Variants in ITIH3 observed in about 807,000 individuals in gnomAD.
ITIH3 encodes the protein inter-alpha-trypsin inhibitor heavy chain H3.
Under a neutral mutation model 96.5 loss-of-function variants are expected in ITIH3, and 81 were observed. That is an observed-to-expected ratio of 0.84 (90% CI 0.70 to 1.01). The LOEUF is 1.01. Among genes scored for constraint, ITIH3 ranks in the 50% least tolerant of loss-of-function variants. ITIH3 has a pLI of 0.00. For missense variants in ITIH3, 1,057 were observed against 1,139.3 expected (o/e 0.93, Z 1.04); for synonymous variants, 422 against 445.2 (o/e 0.95, Z 0.66).
chr3:52,802,905 G>T, intron 13 of ITIH3, 99 bp downstream of exon 13: 1 of 1,391,028 alleles, frequency 7.2e-7, no homozygotes, highest in East Asian at 2.5e-5. Context: ...CCTCTTCTTG[G>T]GCCAGCCCAG....
chr3:52,795,371 C>G (rs930102539), intron 1 of ITIH3, among the ~76,000 whole-genome samples: 4 of 152,178 alleles, frequency 2.6e-5, no homozygotes, highest in Non-Finnish European at 4.4e-5. Context: ...GCCCTGCTCT[C>G]CTGGTAACCT....
chr3:52,801,857 G>A (rs1391248488), intron 11 of ITIH3, among the ~76,000 whole-genome samples: 3 of 152,186 alleles, frequency 2.0e-5, no homozygotes, highest in African/African-American at 7.2e-5. Context: ...TGCACGTCCT[G>A]TCTTTGCATT....
At chr3:52,808,008 C>T in intron 20 of ITIH3, 92 bp downstream of exon 20, 3 of 1,569,052 alleles carry the variant, frequency 1.9e-6, no homozygotes, top group South Asian at 1.1e-5. Context: ...GTACCCAGCT[C>T]ACAACACCCC....
Position 52,796,465 on chromosome 3 carries a change from ACCCACCTCC to A in ITIH3, c.115-13_115-5del. 2 of 1,606,790 alleles carry A rather than the reference ACCCACCTCC, an allele frequency of 1.2e-6. No individual in the cohort carries two copies. Among genetic ancestry groups the A allele is most frequent in the Non-Finnish European group, 1.7e-6 (2 of 1,176,018 alleles). On this transcript the variant is annotated splice_region_variant and splice_polypyrimidine_tract_variant and intron_variant, in intron 2 of 21. Transcript: ENST00000449956. ...AGTGTCCCAGTCTGGCTGATTCTCC[ACCCACCTCC>A]CCAAAGGTGGCCAATGGCATCGAGG...
At chr3:52,805,007 G>A (rs1362200331) in intron 15 of ITIH3, 3 of 501,816 alleles carry the variant, frequency 6.0e-6, no homozygotes, top group East Asian at 3.6e-5. Context: ...TAGCATGTCA[G>A]TCATTTATAC....
intron 6 of ITIH3, 152 bp from the exon 7 acceptor site, chr3:52,798,814 G>A: frequency 2.3e-6 from 2 of 885,254 alleles, no homozygotes; most frequent in Middle Eastern, 3.3e-4. Context: ...CGGCGGGCAG[G>A]GCTGCCCAGG....
rs533414669 is a variant in ITIH3, at chr3:52,806,327, G to A, written c.1977G>A (p.Pro659=). The change falls in exon 18 of 22, where the codon CCG becomes CCA. Residue 659 remains proline, a synonymous_variant. Transcript: ENST00000449956. ...DGDPHFIIQI[P]EKDDALCFNI... ...ATCCCCACTTCATCATCCAAATTCC[G>A]GAGAAAGACGATGCCCTCTGCTTCA... The A allele has an allele frequency of 2.6e-4, 421 of 1,613,918 alleles. 3 individuals are homozygous for A. In the South Asian group the frequency reaches 4.1e-3, roughly 16 times the overall value.
intron 7 of ITIH3, 47 bp downstream of exon 7, chr3:52,799,138 C>T (rs781739149): frequency 3.1e-6 from 5 of 1,602,176 alleles, no homozygotes; most frequent in East Asian, 2.2e-5. Context: ...GAGGGCTGGT[C>T]GGGCGGGGGC....
In ITIH3 at chr3:52,795,596, T is replaced by A. The variant is rs1699550355; in HGVS notation, c.94-7T>A. On this transcript the variant is annotated splice_region_variant and splice_polypyrimidine_tract_variant and intron_variant, in intron 1 of 21. Coordinates refer to ENST00000449956, the MANE Select transcript of ITIH3 (RefSeq NM_002217.4). ...TCCTGTGTTTGTGTTTGTTTTTGTT[T>A]TTTCAGAAACGGAGCCTCCCGGAAG... is the stretch of plus-strand genomic sequence containing the variant. The A allele has an allele frequency of 1.2e-6, 2 of 1,611,450 alleles. No individual in the cohort carries two copies. The highest frequency in any genetic ancestry group is 4.5e-5 in the East Asian group (2 of 44,832).
chr3:52,807,997 T>C, intron 20 of ITIH3, 81 bp downstream of exon 20: 2 of 1,573,848 alleles, frequency 1.3e-6, no homozygotes, highest in South Asian at 1.2e-5. Flanking sequence ...CTAGGCACCC[T>C]GTACCCAGCT....
At position 52,797,818 on chromosome 3, in the gene ITIH3, T is replaced by A; in HGVS notation, c.551T>A (p.Ile184Asn). ...ATTTCCTTACTTTGGCCATTTCAGA[T>A]CGAGGTAGACATCTTCGAGCCTCAG... ...QPKQLVKHFE[I>N]EVDIFEPQGI... Residue 184 changes from isoleucine to asparagine, a missense_variant and splice_region_variant, in exon 6 of 22, where the codon ATC becomes AAC. Transcript: ENST00000449956. The A allele has an allele frequency of 6.3e-7, 1 of 1,595,320 alleles. No individual in the cohort carries two copies. Among genetic ancestry groups the A allele is most frequent in the Admixed American group, 1.7e-5 (1 of 58,110 alleles).
chr3:52,797,884 A>G lies in ITIH3; in HGVS notation c.617A>G (p.Asn206Ser), dbSNP rs528595557. Reference sequence around the variant, plus strand: ...GATGCTGAGGCCTCTTTCATCACCAACGACCTCCTGGGAAGCGCCCTCACC... The same window carrying G: ...GATGCTGAGGCCTCTTTCATCACCAGCGACCTCCTGGGAAGCGCCCTCACC... ...MLDAEASFIT[N>S]DLLGSALTKS... is the part of the protein sequence containing the mutation. Residue 206 changes from asparagine to serine, a missense_variant, in exon 6 of 22, where the codon AAC becomes AGC. Transcript: ENST00000449956. 1.9e-6 allele frequency: 3 copies of G among 1,609,614 alleles called. No individual in the cohort carries two copies. Among genetic ancestry groups the G allele is most frequent in the Non-Finnish European group, 2.5e-6 (3 of 1,178,342 alleles).
In ITIH3 at chr3:52,808,767, G is replaced by C. The variant is rs1361844894; in HGVS notation, c.*86G>C. The stretch of plus-strand genomic sequence containing the variant: ...GCACAGAGAGGGGCCTGTGGGAGGG[G>C]CTGGGAAAATAAAGTCCAAGGTCGA... On this transcript the variant is annotated 3_prime_UTR_variant, in exon 22 of 22. Coordinates refer to ENST00000449956, the MANE Select transcript of ITIH3 (RefSeq NM_002217.4). 2 of 1,529,474 alleles carry C rather than the reference G, an allele frequency of 1.3e-6. No individual in the cohort carries two copies. Among genetic ancestry groups the C allele is most frequent in the African/African-American group, 2.7e-5 (2 of 73,324 alleles). The allele number at this position is 1,529,474 out of a possible 1,614,324, so 94.7% of individuals were successfully genotyped here. A position where few individuals can be genotyped will look rare whatever the true frequency, so the allele number is the denominator to read the frequency against.
chr3:52,796,948 C>T, intron 4 of ITIH3, 105 bp downstream of exon 4: 1 of 1,176,340 alleles, frequency 8.5e-7, no homozygotes, highest in African/African-American at 1.5e-5. Flanking sequence ...CAAAATGTGC[C>T]CATAATTTTG....
rs1269096379 is a variant in ITIH3, at chr3:52,807,078, T to C, written c.2234T>C (p.Leu745Pro). The change falls in exon 19 of 22, where the codon CTG (leucine) becomes CCG (proline). Residue 745 changes from leucine to proline, a missense_variant. Transcript: ENST00000449956. ...GCCGTGCCGAGCACTTTCAGCTGGC[T>C]GGACACAGTCACAGTCACGCAGGAT... ...NRAVPSTFSWLDTVTVTQDGL... is the reference protein window; with the variant it reads ...NRAVPSTFSWPDTVTVTQDGL... 2 of 1,596,014 alleles carry C rather than the reference T, an allele frequency of 1.3e-6. No homozygotes were observed. Among genetic ancestry groups the C allele is most frequent in the East Asian group, 2.3e-5 (1 of 43,868 alleles).
chr3:52,799,192 G>A, intron 7 of ITIH3, 101 bp downstream of exon 7: 1 of 1,458,142 alleles, frequency 6.9e-7, no homozygotes, highest in Non-Finnish European at 9.4e-7. Flanking sequence ...TCAGCCCAAG[G>A]CTGTTTTCCT....
intron 4 of ITIH3, 87 bp from the exon 5 acceptor site, chr3:52,797,018 G>A (rs1371120761): frequency 6.8e-6 from 10 of 1,475,590 alleles, no homozygotes; most frequent in South Asian, 2.6e-5. Flanking sequence ...GATCTCCCTC[G>A]CCAAAGGGCT....
intron 10 of ITIH3, 43 bp from the exon 11 acceptor site, chr3:52,800,922 C>T (rs763961073): frequency 1.2e-6 from 2 of 1,612,046 alleles, no homozygotes; most frequent in South Asian, 2.2e-5. Context: ...CTAGACCATC[C>T]CCAGGGCTGG....
At position 52,799,065 on chromosome 3, in the gene ITIH3, AAC is replaced by A; in HGVS notation, c.765_766del (p.Asn255LysfsTer28). On this transcript the variant is annotated frameshift_variant, in exon 7 of 22. Coordinates refer to ENST00000449956, the MANE Select transcript of ITIH3 (RefSeq NM_002217.4). LOFTEE classifies it high-confidence loss of function. ...AGATTTCACTATCACCTATGACGTG[AAC>A]AGAGAATCTCCTGGCAACGTGCAGG... ...NGDFTITYDVNRESPGNVQIV... is the reference protein window; with the variant it reads ...NGDFTITYDVXRESPGNVQIV... 1 of 1,613,600 alleles carries A rather than the reference AAC, an allele frequency of 6.2e-7. No homozygotes were observed. Among genetic ancestry groups the A allele is most frequent in the Non-Finnish European group, 8.5e-7 (1 of 1,179,738 alleles).
Sources: allele counts gnomAD v4.1 joint callset (sites outside exome capture counted in the v4.1 genomes callset), GRCh38; gene constraint gnomAD v4.1.1; transcripts MANE v1.5; gene names NCBI Gene and HGNC (gene_info 2026-07-23, HGNC 2026-07-21).